MTCH2: variants seen among roughly 807,000 people sequenced by gnomAD.
MTCH2 encodes the protein mitochondrial carrier 2.
MTCH2 carries 25 observed loss-of-function variants against 50.6 expected under a neutral mutation model. That is an observed-to-expected ratio of 0.49 (90% CI 0.36 to 0.69). MTCH2 has a LOEUF of 0.69. Among genes scored for constraint, MTCH2 ranks in the 30% least tolerant of loss-of-function variants. The pLI is 0.00. For synonymous variants in MTCH2, 106 were observed against 132.0 expected (o/e 0.80, Z 1.35); for missense variants, 273 against 384.4 (o/e 0.71, Z 2.42).
chr11:47,625,863 G>T, intron 10 of MTCH2, 122 bp from the exon 11 acceptor site: 1 of 661,306 alleles, frequency 1.5e-6, no homozygotes, highest in Non-Finnish European at 2.5e-6. Context: ...CGCTTCATCG[G>T]TACCCTGGAA....
the MTCH2 span, among the ~76,000 whole-genome samples, chr11:47,606,493 T>C: frequency 6.6e-6 from 1 of 152,150 alleles, no homozygotes; most frequent in Admixed American, 6.6e-5. Context: ...GAGAGCTCTC[T>C]ACAGAGCCAC....
At chr11:47,634,638 G>A in intron 5 of MTCH2, 34 bp downstream of exon 5, 1 of 1,542,824 alleles carries the variant, frequency 6.5e-7, no homozygotes, top group South Asian at 1.2e-5. Flanking sequence ...AGTTTGATCT[G>A]GGCAAACAGC....
intron 5 of MTCH2, among the ~76,000 whole-genome samples, chr11:47,632,502 C>T (rs762530946): frequency 5.2e-4 from 79 of 151,568 alleles, no homozygotes; most frequent in Non-Finnish European, 9.0e-4. Flanking sequence ...TACAGGCACC[C>T]GCCATCATGC....
the MTCH2 span, among the ~76,000 whole-genome samples, chr11:47,612,278 G>C: frequency 6.6e-6 from 1 of 151,932 alleles, no homozygotes; most frequent in Non-Finnish European, 1.5e-5. Flanking sequence ...AAATTAGCCA[G>C]ATGTGTGGGC....
chr11:47,626,993 G>A lies in MTCH2; in HGVS notation c.681+87C>T, dbSNP rs942361822. On this transcript the variant is annotated intron_variant, in intron 10 of 12. Transcript: ENST00000302503. ...CAGTGAGACATCTGGTTATCTTAAA[G>A]CAGTGATGACACAAGCCAGATTTAA... 3 of 969,178 alleles carry A rather than the reference G, an allele frequency of 3.1e-6. No individual in the cohort carries two copies. The African/African-American group carries it at 5.0e-5, about 16-fold the overall frequency. 60.0% of individuals were successfully genotyped at this position (969,178 alleles called of 1,614,324 possible). A position where few individuals can be genotyped will look rare whatever the true frequency, so the allele number is the denominator to read the frequency against.
chr11:47,634,587 A>G, intron 5 of MTCH2, 85 bp downstream of exon 5: 2 of 1,035,188 alleles, frequency 1.9e-6, no homozygotes, highest in Non-Finnish European at 2.9e-6. Flanking sequence ...GACACTGAAC[A>G]CACAGGCCTG....
At chr11:47,633,505 A>AATATTTATATATAT (rs2097305246) in intron 5 of MTCH2, among the ~76,000 whole-genome samples, 1 of 41,170 alleles carries the variant, frequency 2.4e-5, no homozygotes, top group Non-Finnish European at 4.0e-5. Flanking sequence ...TTTGTTTTGG[A>AATATTTATATATAT]ATATATATAT....
intron 1 of MTCH2, among the ~76,000 whole-genome samples, chr11:47,640,839 T>C (rs777927502): frequency 6.7e-6 from 1 of 150,020 alleles, no homozygotes; most frequent in Non-Finnish European, 1.5e-5. Context: ...GCAAGAGCTC[T>C]GAACATCATT....
At chr11:47,615,851 C>G (rs1381929983), downstream of MTCH2, among the ~76,000 whole-genome samples, 4 of 151,374 alleles carry the variant, frequency 2.6e-5, no homozygotes, top group African/African-American at 9.7e-5. Context: ...GTCTCAAATT[C>G]CTGACCTCAT....
At chr11:47,624,853 C>T (rs1425914459) in intron 11 of MTCH2, among the ~76,000 whole-genome samples, 2 of 152,124 alleles carry the variant, frequency 1.3e-5, no homozygotes, top group Non-Finnish European at 2.9e-5. Flanking sequence ...TTTGGAAGTC[C>T]GAGGTAGGCA....
chr11:47,612,542 C>A (rs1328241225), downstream of MTCH2, among the ~76,000 whole-genome samples: 2 of 151,708 alleles, frequency 1.3e-5, no homozygotes, highest in Non-Finnish European at 2.9e-5. Flanking sequence ...CCAGCCTGGG[C>A]AACAGGGCAA....
At chr11:47,616,962 G>C (rs2097288790), downstream of MTCH2, among the ~76,000 whole-genome samples, 1 of 152,170 alleles carries the variant, frequency 6.6e-6, no homozygotes, top group Non-Finnish European at 1.5e-5. Context: ...GTGATTGCAG[G>C]CATGAGCCAT....
At chr11:47,607,527 TG>T in the MTCH2 span, among the ~76,000 whole-genome samples, 1 of 152,168 alleles carries the variant, frequency 6.6e-6, no homozygotes, top group Admixed American at 6.5e-5. Flanking sequence ...CCCCTTCAGA[TG>T]GGCCTGTGAC....
At chr11:47,616,556 G>A (rs995167246), downstream of MTCH2, among the ~76,000 whole-genome samples, 3 of 151,576 alleles carry the variant, frequency 2.0e-5, no homozygotes, top group African/African-American at 7.3e-5. Context: ...CCAACTCTTG[G>A]CCTCAAGTGA....
At chr11:47,610,184 TC>T in the MTCH2 span, among the ~76,000 whole-genome samples, 10 of 152,118 alleles carry the variant, frequency 6.6e-5, no homozygotes, top group Non-Finnish European at 1.3e-4. Context: ...CATGTGCCAG[TC>T]CCTGTTCTAG....
chr11:47,620,080 C>CAA (rs1367703277), intron 12 of MTCH2, among the ~76,000 whole-genome samples: 1 of 149,776 alleles, frequency 6.7e-6, no homozygotes, highest in African/African-American at 2.5e-5. Flanking sequence ...CCGTCTCAAA[C>CAA]AAAACAAAAC....
downstream of MTCH2, among the ~76,000 whole-genome samples, chr11:47,614,613 G>A (rs548426522): frequency 6.6e-6 from 1 of 151,864 alleles, no homozygotes; most frequent in South Asian, 2.1e-4. Flanking sequence ...AGACAGTCTT[G>A]CTCTGTTGCC....
At chr11:47,639,127 G>C in intron 1 of MTCH2, 76 bp from the exon 2 acceptor site, 2 of 1,300,730 alleles carry the variant, frequency 1.5e-6, no homozygotes, top group Non-Finnish European at 2.2e-6. Context: ...CTTGAATAAA[G>C]AACACAATTT....
At chr11:47,622,677 A>G (rs1348109117) in intron 12 of MTCH2, 24 bp downstream of exon 12, 1 of 1,513,396 alleles carries the variant, frequency 6.6e-7, no homozygotes, top group Non-Finnish European at 9.0e-7. Flanking sequence ...AAATAAAATG[A>G]GAGAGACAGA....
Sources: gnomAD v4.1 joint callset for allele counts (sites outside exome capture counted in the v4.1 genomes callset) on GRCh38, gnomAD v4.1.1 for gene constraint, MANE v1.5 for transcripts, NCBI Gene and HGNC (gene_info 2026-07-23, HGNC 2026-07-21) for gene names.